The following CAST variants were observed in gnomAD, a reference collection of about 807,000 sequenced individuals.
CAST encodes the protein calpastatin.
CAST carries 76 observed loss-of-function variants against 119.6 expected under a neutral mutation model. The observed-to-expected ratio is 0.64, with a 90% confidence interval of 0.53 to 0.77. The LOEUF (loss-of-function observed/expected upper bound fraction) is 0.77. CAST is among the 30% of genes least tolerant of loss of function. CAST has a pLI of 0.00. For missense variants in CAST, 953 were observed against 946.5 expected, an observed-to-expected ratio of 1.01 and a Z score of -0.09; for synonymous variants, 319 against 331.6, an observed-to-expected ratio of 0.96 and a Z score of 0.41.
the CAST span, among the ~76,000 whole-genome samples, chr5:96,261,941 C>T: frequency 6.6e-6 from 1 of 152,250 alleles, no homozygotes; most frequent in Non-Finnish European, 1.5e-5. Flanking sequence ...CCTCACAAAA[C>T]CTTTCGAGGT....
At chr5:96,453,890 T>C in the CAST span, among the ~76,000 whole-genome samples, 1 of 148,102 alleles carries the variant, frequency 6.8e-6, no homozygotes, top group Non-Finnish European at 1.5e-5. Flanking sequence ...TCTAGCCAGA[T>C]TGGAAGAAAA....
chr5:96,422,014 AAAAAAG>A, the CAST span: 1 of 888,080 alleles, frequency 1.1e-6, no homozygotes. Context: ...AAAAAAAAAA[AAAAAAG>A]CATCACTTCC....
chr5:96,243,933 A>G, the CAST span, among the ~76,000 whole-genome samples: 1 of 152,210 alleles, frequency 6.6e-6, no homozygotes, highest in African/African-American at 2.4e-5. Context: ...TCATAAAACT[A>G]TTGTATGGAT....
chr5:95,977,755 TA>T, the CAST span, among the ~76,000 whole-genome samples: 2 of 152,102 alleles, frequency 1.3e-5, no homozygotes, highest in East Asian at 3.9e-4. Flanking sequence ...ACCCAGGTAT[TA>T]AGCCTAGTTC....
At chr5:96,426,497 T>C in the CAST span, among the ~76,000 whole-genome samples, 11 of 152,304 alleles carry the variant, frequency 7.2e-5, no homozygotes, top group Admixed American at 6.5e-4. Flanking sequence ...ACACAGATCC[T>C]GGGTGATGAA....
At chr5:96,559,046 G>A (rs1746301341) in intron 1 of CAST, among the ~76,000 whole-genome samples, 1 of 152,142 alleles carries the variant, frequency 6.6e-6, no homozygotes, top group African/African-American at 2.4e-5. Context: ...TGCAAGGCTG[G>A]TTCAACATAT....
the CAST span, among the ~76,000 whole-genome samples, chr5:96,236,125 CT>C: frequency 5.0e-5 from 5 of 100,722 alleles, no homozygotes; most frequent in South Asian, 9.0e-4. Flanking sequence ...ATCTATCTAT[CT>C]CTCTATCTAT....
intron 1 of CAST, among the ~76,000 whole-genome samples, chr5:96,650,298 G>A (rs1748074965): frequency 6.6e-6 from 1 of 152,134 alleles, no homozygotes; most frequent in African/African-American, 2.4e-5. Flanking sequence ...CCTTTTCCCT[G>A]TTAGAGGCCT....
intron 1 of CAST, among the ~76,000 whole-genome samples, chr5:96,534,797 G>T (rs1580813852): frequency 1.8e-5 from 2 of 110,620 alleles, no homozygotes; most frequent in African/African-American, 6.9e-5. Context: ...AAGAAAGAAA[G>T]AAAGAAGAAA....
At chr5:96,730,643 T>A (rs897481662) in intron 8 of CAST, 137 bp from the exon 9 acceptor site, 29 of 678,508 alleles carry the variant, frequency 4.3e-5, no homozygotes, top group Non-Finnish European at 7.7e-5. Context: ...CCATGTACAA[T>A]AGAAGTGAGC....
chr5:96,611,163 A>G (rs760571323), intron 1 of CAST, among the ~76,000 whole-genome samples: 1 of 152,324 alleles, frequency 6.6e-6, no homozygotes, highest in African/African-American at 2.4e-5. Context: ...TAAAATTCAT[A>G]TGGAACCAAC....
At chr5:96,481,926 C>A in the CAST span, among the ~76,000 whole-genome samples, 7 of 151,952 alleles carry the variant, frequency 4.6e-5, no homozygotes, top group Admixed American at 3.9e-4. Context: ...TATTAAATAT[C>A]CCTTGACAAC....
chr5:96,242,882 C>A, the CAST span, among the ~76,000 whole-genome samples: 1 of 152,172 alleles, frequency 6.6e-6, no homozygotes, highest in African/African-American at 2.4e-5. Flanking sequence ...CTAAGGGATA[C>A]TAACTGCTTT....
At chr5:96,629,337 G>C (rs187858781) in intron 1 of CAST, among the ~76,000 whole-genome samples, 2 of 152,136 alleles carry the variant, frequency 1.3e-5, no homozygotes, top group African/African-American at 4.8e-5. Context: ...ATAAACTTCT[G>C]TTCTATATAA....
intron 1 of CAST, among the ~76,000 whole-genome samples, chr5:96,665,104 C>T (rs57861617): frequency 0.032 from 4,807 of 152,250 alleles, 256 homozygotes; most frequent in African/African-American, 0.11. Flanking sequence ...TTTGGTACTA[C>T]CATGAAAACT....
At chr5:96,165,721 A>G in the CAST span, among the ~76,000 whole-genome samples, 1 of 152,246 alleles carries the variant, frequency 6.6e-6, no homozygotes, top group African/African-American at 2.4e-5. Flanking sequence ...GTGTTCTGAC[A>G]TGAACATCAC....
chr5:96,744,479 G>A (rs182991785), intron 16 of CAST, among the ~76,000 whole-genome samples: 31 of 152,214 alleles, frequency 2.0e-4, no homozygotes, highest in South Asian at 6.2e-4. Context: ...GGAGAGCTCC[G>A]CCCCCATGAT....
chr5:96,460,052 G>T, the CAST span, among the ~76,000 whole-genome samples: 1 of 152,122 alleles, frequency 6.6e-6, no homozygotes, highest in South Asian at 2.1e-4. Flanking sequence ...GCCAAAAGGG[G>T]TGGAAAATAC....
the CAST span, among the ~76,000 whole-genome samples, chr5:96,123,296 C>T: frequency 6.6e-6 from 1 of 152,076 alleles, no homozygotes; most frequent in South Asian, 2.1e-4. Context: ...GGTATGGAAA[C>T]CAAAAGTTTA....
Sources: gnomAD v4.1 joint callset for allele counts (sites outside exome capture counted in the v4.1 genomes callset) on GRCh38, gnomAD v4.1.1 for gene constraint, MANE v1.5 for transcripts, NCBI Gene and HGNC (gene_info 2026-07-23, HGNC 2026-07-21) for gene names.